TMEM232: variants seen among roughly 807,000 people sequenced by gnomAD.
TMEM232 encodes the protein transmembrane protein 232.
In TMEM232, 80 loss-of-function variants were observed where a neutral mutation model predicts 78.8. That is an observed-to-expected ratio of 1.01 (90% CI 0.85 to 1.22). TMEM232 has a LOEUF of 1.22. Among genes scored for constraint, TMEM232 ranks in the 50% most tolerant of loss-of-function variants. The pLI is 0.00. For missense variants in TMEM232, 881 were observed against 742.2 expected, an observed-to-expected ratio of 1.19 and a Z score of -2.17; for synonymous variants, 297 against 254.3, an observed-to-expected ratio of 1.17 and a Z score of -1.60.
intron 2 of TMEM232, among the ~76,000 whole-genome samples, chr5:110,399,046 T>C (rs948621733): frequency 6.6e-6 from 1 of 152,092 alleles, no homozygotes; most frequent in Non-Finnish European, 1.5e-5. Context: ...GAGCCACTTA[T>C]GTACTTTTAA....
At chr5:110,563,936 A>G (rs990228908) in intron 11 of TMEM232, among the ~76,000 whole-genome samples, 2 of 152,002 alleles carry the variant, frequency 1.3e-5, no homozygotes, top group Admixed American at 6.6e-5. Flanking sequence ...TCTTGTGTTT[A>G]GATAGTACTC....
chr5:110,560,100 A>T (rs1775569646), intron 11 of TMEM232, among the ~76,000 whole-genome samples: 1 of 152,198 alleles, frequency 6.6e-6, no homozygotes, highest in African/African-American at 2.4e-5. Flanking sequence ...TAGGATTAGG[A>T]CTATAACATC....
At chr5:110,566,490 GC>G (rs1776355003) in intron 11 of TMEM232, among the ~76,000 whole-genome samples, 2 of 151,808 alleles carry the variant, frequency 1.3e-5, no homozygotes, top group Admixed American at 1.3e-4. Flanking sequence ...TCTGCCAGAT[GC>G]CCTAAATTAT....
chr5:110,652,268 C>A (rs969243071), intron 2 of TMEM232, among the ~76,000 whole-genome samples: 8 of 113,316 alleles, frequency 7.1e-5, no homozygotes, highest in African/African-American at 2.8e-4. Context: ...CAGACAACCC[C>A]CAAGCACACA....
At chr5:110,410,434 C>T (rs535200319) in intron 2 of TMEM232, among the ~76,000 whole-genome samples, 1 of 152,240 alleles carries the variant, frequency 6.6e-6, no homozygotes, top group Admixed American at 6.5e-5. Context: ...TTTACTTACA[C>T]TACACTCAAT....
intron 12 of TMEM232, among the ~76,000 whole-genome samples, chr5:110,493,401 A>G (rs1230139572): frequency 6.6e-6 from 1 of 151,992 alleles, no homozygotes; most frequent in Non-Finnish European, 1.5e-5. Context: ...AAAAAGTAAA[A>G]TTGTCTTACA....
intron 12 of TMEM232, among the ~76,000 whole-genome samples, chr5:110,468,167 T>C (rs1430107458): frequency 6.6e-6 from 1 of 152,114 alleles, no homozygotes; most frequent in Non-Finnish European, 1.5e-5. Flanking sequence ...AGCTAACTTC[T>C]CAACAGGAAT....
At chr5:110,700,223 A>T (rs1399274412) in intron 1 of TMEM232, among the ~76,000 whole-genome samples, 5 of 152,052 alleles carry the variant, frequency 3.3e-5, no homozygotes, top group African/African-American at 1.2e-4. Context: ...ACTATGCTAG[A>T]CTATTATATT....
chr5:110,684,963 A>T (rs1793209056), intron 1 of TMEM232: 1 of 152,134 alleles, frequency 6.6e-6, no homozygotes, highest in African/African-American at 2.4e-5. Context: ...GCTAGCTTAG[A>T]AAGTATGTCT....
At chr5:110,546,558 G>C (rs547886992) in intron 11 of TMEM232, among the ~76,000 whole-genome samples, 9 of 152,168 alleles carry the variant, frequency 5.9e-5, no homozygotes, top group Admixed American at 5.9e-4. Context: ...AAAGGTTTTT[G>C]AAGCAAAGAA....
intron 10 of TMEM232, among the ~76,000 whole-genome samples, chr5:110,582,375 G>T (rs1778306984): frequency 6.6e-6 from 1 of 151,868 alleles, no homozygotes; most frequent in South Asian, 2.1e-4. Context: ...GTATGCAACT[G>T]AAAACCATTA....
At chr5:110,449,678 T>C (rs563469860) in intron 12 of TMEM232, among the ~76,000 whole-genome samples, 1 of 152,312 alleles carries the variant, frequency 6.6e-6, no homozygotes, top group South Asian at 2.1e-4. Flanking sequence ...TGAAGTAATT[T>C]GGTTTCATTA....
chr5:110,404,184 A>G (rs1405306732), intron 2 of TMEM232, among the ~76,000 whole-genome samples: 1 of 152,068 alleles, frequency 6.6e-6, no homozygotes, highest in East Asian at 1.9e-4. Flanking sequence ...CTAGAGGCTT[A>G]ACTTATAATG....
intron 1 of TMEM232, among the ~76,000 whole-genome samples, chr5:110,697,722 G>T (rs1561533707): frequency 6.6e-6 from 1 of 152,172 alleles, no homozygotes; most frequent in African/African-American, 2.4e-5. Context: ...GGCCATCAGA[G>T]AAATGCAAAT....
intron 1 of TMEM232, among the ~76,000 whole-genome samples, chr5:110,722,798 T>C (rs1003019812): frequency 2.0e-5 from 3 of 152,200 alleles, no homozygotes; most frequent in African/African-American, 7.2e-5. Context: ...GCCATAGTAC[T>C]TTTTATATGC....
intron 1 of TMEM232, among the ~76,000 whole-genome samples, chr5:110,717,900 T>C (rs1244015283): frequency 6.6e-6 from 1 of 152,172 alleles, no homozygotes; most frequent in Non-Finnish European, 1.5e-5. Context: ...ATTAAACCTC[T>C]TTCCTTTATA....
chr5:110,441,051 TC>T (rs1758978467), intron 12 of TMEM232, among the ~76,000 whole-genome samples: 1 of 152,122 alleles, frequency 6.6e-6, no homozygotes, highest in Non-Finnish European at 1.5e-5. Flanking sequence ...ACTCAGTGGC[TC>T]CTAACTGCTT....
chr5:110,638,312 A>C lies in TMEM232; in HGVS notation c.387T>G (p.Phe129Leu). ...MLYASLDHAS[F>L]DYDHLPALFF... ...ATAAGGCAGGCAGATGATCATAATC[A>C]AAGGAAGCATGGTCCAGAGATGCAT... The change falls in exon 5 of 14, where the codon TTT (phenylalanine) becomes TTG (leucine). Residue 129 changes from phenylalanine to leucine, a missense_variant. Coordinates refer to ENST00000455884, the MANE Select transcript of TMEM232 (RefSeq NM_001039763.4). 1 of 1,551,034 alleles carries C rather than the reference A, an allele frequency of 6.4e-7. No homozygotes were observed. The highest frequency in any genetic ancestry group is 2.4e-5 in the East Asian group (1 of 40,832).
chr5:110,686,231 C>T (rs1451162071), intron 1 of TMEM232, among the ~76,000 whole-genome samples: 4 of 152,004 alleles, frequency 2.6e-5, no homozygotes, highest in South Asian at 2.1e-4. Flanking sequence ...AGAAGTGACA[C>T]TCTAGGACTT....
Sources: gnomAD v4.1 joint callset for allele counts (sites outside exome capture counted in the v4.1 genomes callset) on GRCh38, gnomAD v4.1.1 for gene constraint, MANE v1.5 for transcripts, NCBI Gene and HGNC (gene_info 2026-07-23, HGNC 2026-07-21) for gene names.